Variants in PCDHA4 observed in about 807,000 individuals in gnomAD.
PCDHA4 encodes the protein protocadherin alpha 4, also known as protocadherin alpha-4.
A neutral mutation model predicts 61.4 loss-of-function variants in PCDHA4; 49 were observed. The ratio of observed to expected loss-of-function variants is 0.80; its 90% CI spans 0.63 to 1.01. The LOEUF (loss-of-function observed/expected upper bound fraction) is 1.01. Among genes scored for constraint, PCDHA4 ranks in the 50% least tolerant of loss-of-function variants. The pLI is 0.00. For missense variants in PCDHA4, 1,254 were observed against 1,235.8 expected (o/e 1.01, Z -0.22); for synonymous variants, 590 against 550.3 (o/e 1.07, Z -1.01).
chr5:140,974,302 C>G (rs782329639), intron 1 of PCDHA4, among the ~76,000 whole-genome samples: 1 of 152,176 alleles, frequency 6.6e-6, no homozygotes, highest in Non-Finnish European at 1.5e-5. Flanking sequence ...GGAGGTACAA[C>G]TGTGAGTGAG....
chr5:140,969,019 G>A (rs782394566), intron 1 of PCDHA4: 61 of 1,614,046 alleles, frequency 3.8e-5, no homozygotes, highest in Non-Finnish European at 4.7e-5. Flanking sequence ...TAAGGGAAAG[G>A]TCCCCTGCAG....
At chr5:140,871,648 T>C (rs948584860) in intron 1 of PCDHA4, 2 of 1,275,648 alleles carry the variant, frequency 1.6e-6, no homozygotes, top group Non-Finnish European at 2.1e-6. Context: ...AAATACCAAA[T>C]GATACACATC....
At chr5:140,891,722 T>C (rs534881594) in intron 1 of PCDHA4, among the ~76,000 whole-genome samples, 1 of 152,292 alleles carries the variant, frequency 6.6e-6, no homozygotes, top group East Asian at 1.9e-4. Flanking sequence ...CAAATTCATG[T>C]GTTGAAAATT....
intron 1 of PCDHA4, among the ~76,000 whole-genome samples, chr5:140,948,999 ATT>A (rs782571922): frequency 1.3e-5 from 2 of 151,708 alleles, no homozygotes; most frequent in Non-Finnish European, 3.0e-5. Flanking sequence ...CATTTTACTA[ATT>A]TTTATATGTG....
At chr5:140,979,169 A>T (rs2096837685) in intron 2 of PCDHA4, 162 bp downstream of exon 2, 1 of 966,312 alleles carries the variant, frequency 1.0e-6, no homozygotes, top group Admixed American at 6.2e-5. Context: ...TCCTTGAAAG[A>T]TCGCAAATGG....
chr5:140,923,665 C>T (rs369836298), intron 1 of PCDHA4, among the ~76,000 whole-genome samples: 77 of 152,288 alleles, frequency 5.1e-4, no homozygotes, highest in African/African-American at 1.6e-3. Flanking sequence ...TTTGGGATAT[C>T]GTTCTCTCTT....
At chr5:140,865,367 A>G (rs1392735028) in intron 1 of PCDHA4, 1 of 152,348 alleles carries the variant, frequency 6.6e-6, no homozygotes, top group Middle Eastern at 3.4e-3. Flanking sequence ...CAGGATAACC[A>G]TGTTATAGGT....
At chr5:140,935,520 G>A (rs1404556030) in intron 1 of PCDHA4, among the ~76,000 whole-genome samples, 1 of 152,154 alleles carries the variant, frequency 6.6e-6, no homozygotes, top group Non-Finnish European at 1.5e-5. Context: ...CAGTAGGCAT[G>A]TACAGTCAAA....
intron 1 of PCDHA4, among the ~76,000 whole-genome samples, chr5:140,912,180 T>C (rs2075805933): frequency 6.6e-6 from 1 of 152,168 alleles, no homozygotes; most frequent in South Asian, 2.1e-4. Flanking sequence ...TGGCAGCTGA[T>C]TAGATTGTGC....
chr5:140,943,632 G>A (rs1351799858), intron 1 of PCDHA4, among the ~76,000 whole-genome samples: 1 of 152,098 alleles, frequency 6.6e-6, no homozygotes, highest in Non-Finnish European at 1.5e-5. Flanking sequence ...AAGGAAGCTG[G>A]ATTATGGATA....
At chr5:140,840,420 G>T (rs1446278635) in intron 1 of PCDHA4, among the ~76,000 whole-genome samples, 1 of 151,882 alleles carries the variant, frequency 6.6e-6, no homozygotes, top group Non-Finnish European at 1.5e-5. Context: ...CAAATAATAG[G>T]CTAGTTTAAA....
At position 140,853,566 on chromosome 5, in the gene PCDHA4, G is replaced by A; in HGVS notation, c.2385+43994G>A. 2.0e-6 allele frequency: 2 copies of A among 981,338 alleles called. 1 individual carries two copies. The highest frequency in any genetic ancestry group is 2.5e-6 in the Non-Finnish European group (2 of 813,850). 60.8% of individuals were successfully genotyped at this position (981,338 alleles called of 1,614,324 possible). A position where few individuals can be genotyped will look rare whatever the true frequency, so the allele number is the denominator to read the frequency against. ...GTAATTACTATATAGGAAAAACTAA[G>A]TTGTCACCCAATATCTTAGACACTT... On this transcript the variant is annotated intron_variant, in intron 1 of 3. Transcript: ENST00000530339.
chr5:140,917,030 G>A (rs1220107705), intron 1 of PCDHA4, among the ~76,000 whole-genome samples: 3 of 152,164 alleles, frequency 2.0e-5, no homozygotes, highest in Non-Finnish European at 4.4e-5. Context: ...GCTGCTGGCT[G>A]AGTCCAGCAC....
chr5:140,981,685 C>G lies in PCDHA4; in HGVS notation c.2445-790C>G, dbSNP rs369964011. 6.6e-4 allele frequency among the ~76,000 whole-genome samples: 101 copies of G among 152,166 alleles called. No individual in the cohort carries two copies. In the South Asian group the frequency reaches 0.018, roughly 27 times the overall value. ...TCCTTCCTTTCTTCCTTCCTCCCTT[C>G]CATCATTCATTCATTCATTCATTCA... On this transcript the variant is annotated intron_variant, in intron 2 of 3. Transcript: ENST00000530339.
At chr5:140,898,597 G>C (rs1452719602) in intron 1 of PCDHA4, among the ~76,000 whole-genome samples, 12 of 152,188 alleles carry the variant, frequency 7.9e-5, no homozygotes, top group Admixed American at 1.3e-4. Context: ...CTGTAGCCTT[G>C]TAGTATAGTT....
intron 1 of PCDHA4, chr5:140,928,158 A>T: frequency 1.2e-6 from 2 of 1,614,066 alleles, no homozygotes; most frequent in Non-Finnish European, 1.7e-6. Flanking sequence ...ATAGTGGCTC[A>T]CCCCCACTTA....
intron 1 of PCDHA4, chr5:140,843,791 A>G (rs2150366777): frequency 7.3e-7 from 1 of 1,376,400 alleles, no homozygotes; most frequent in Admixed American, 2.2e-5. Flanking sequence ...TTTCAGATTT[A>G]GTTTTTCACC....
intron 1 of PCDHA4, chr5:140,858,254 A>G (rs1325415176): frequency 6.3e-7 from 1 of 1,596,926 alleles, no homozygotes; most frequent in Non-Finnish European, 8.6e-7. Flanking sequence ...GGTGAAGCCC[A>G]CGCTGGTGTG....
chr5:140,808,288 A>T lies in PCDHA4; in HGVS notation c.1101A>T (p.Thr367=), dbSNP rs558368173. 3.7e-5 allele frequency: 59 copies of T among 1,614,276 alleles called. No homozygotes were observed. In the East Asian group the frequency reaches 1.2e-3, roughly 32 times the overall value. ...TTAGAGAGGACGCTCCACTGGGTAC[A>T]GTCATCGCCCTGATCAGCGTGTCCG... ...LPIREDAPLG[T]VIALISVSDK... Residue 367 remains threonine (T), a synonymous_variant, in exon 1 of 4, where the codon ACA becomes ACT. Coordinates refer to ENST00000530339, the MANE Select transcript of PCDHA4 (RefSeq NM_018907.4).
Sources: allele counts gnomAD v4.1 joint callset (sites outside exome capture counted in the v4.1 genomes callset), GRCh38; gene constraint gnomAD v4.1.1; transcripts MANE v1.5; gene names NCBI Gene and HGNC (gene_info 2026-07-23, HGNC 2026-07-21).